Variants in CDH4 observed in about 807,000 individuals in gnomAD.
CDH4 encodes the protein cadherin-4.
Under a neutral mutation model 86.0 loss-of-function variants are expected in CDH4, and 33 were observed. That is an observed-to-expected ratio of 0.38 (90% confidence interval 0.29 to 0.51). The LOEUF is 0.51. CDH4 is among the 20% of genes least tolerant of loss of function. CDH4 has a pLI of 0.86. For synonymous variants in CDH4, 555 were observed against 549.4 expected, an observed-to-expected ratio of 1.01 and a Z score of -0.14; for missense variants, 1,114 against 1,307.4, an observed-to-expected ratio of 0.85 and a Z score of 2.28.
At chr20:61,660,395 T>C (rs1049659987) in intron 2 of CDH4, among the ~76,000 whole-genome samples, 8 of 152,176 alleles carry the variant, frequency 5.3e-5, no homozygotes, top group Non-Finnish European at 1.0e-4. Flanking sequence ...CAGAAGTCAG[T>C]GAATGTTAGC....
rs115868817 is a variant in CDH4 at position 61,647,960 on chromosome 20, T to A, written c.170-95603T>A. Among the ~76,000 whole-genome samples the A allele has an allele frequency of 6.3e-3, 946 of 151,252 alleles. 7 individuals are homozygous for A. Among genetic ancestry groups the A allele is most frequent in the African/African-American group, 0.022 (895 of 41,174 alleles). Reference sequence around the variant, plus strand: ...CAGGGGCTGCGGCCTGCCGAGTGAGTGGGGGATGGACACAGGTTGGCCGGC... The same window carrying A: ...CAGGGGCTGCGGCCTGCCGAGTGAGAGGGGGATGGACACAGGTTGGCCGGC... On this transcript the variant is annotated intron_variant, in intron 2 of 15. Transcript: ENST00000614565.
intron 2 of CDH4, among the ~76,000 whole-genome samples, chr20:61,455,199 A>G (rs1480198667): frequency 1.3e-5 from 2 of 152,200 alleles, no homozygotes; most frequent in Non-Finnish European, 2.9e-5. Flanking sequence ...TATCAAGTCC[A>G]ACTTTGAGAT....
intron 6 of CDH4, among the ~76,000 whole-genome samples, chr20:61,864,376 C>A (rs906222874): frequency 6.6e-6 from 1 of 152,236 alleles, no homozygotes. Flanking sequence ...TGGGGAACCC[C>A]CTGGTTTCGC....
At position 61,517,755 on chromosome 20, in the gene CDH4, T is replaced by G. The variant is rs2085832819; in HGVS notation, c.170-225808T>G. 1.3e-5 allele frequency among the ~76,000 whole-genome samples: 2 copies of G among 152,234 alleles called. No individual in the cohort carries two copies. Among genetic ancestry groups the G allele is most frequent in the Non-Finnish European group, 2.9e-5 (2 of 68,044 alleles). On this transcript the variant is annotated intron_variant, in intron 2 of 15. Transcript: ENST00000614565. This position sits in a 1 kb window ranked among gnomAD's most constrained non-coding sequence, Gnocchi z 6.6. Reference sequence around the variant, plus strand: ...AAGGTCACCATTCGTCTTATTCTTGTCAGCTATTATATGTCTGATTTTATG... The same window carrying G: ...AAGGTCACCATTCGTCTTATTCTTGGCAGCTATTATATGTCTGATTTTATG...
chr20:61,665,379 C>G lies in CDH4; in HGVS notation c.170-78184C>G, dbSNP rs183462105. Among the ~76,000 whole-genome samples the G allele has an allele frequency of 3.7e-3, 569 of 152,374 alleles. 3 individuals are homozygous for G. Among genetic ancestry groups the G allele is most frequent in the Middle Eastern group, 0.01 (3 of 294 alleles). On this transcript the variant is annotated intron_variant, in intron 2 of 15. Transcript: ENST00000614565. ...TGGCATACCCAACAATTTGACCTTT[C>G]ATCAGTTAAGCGATGCTAAAAACAA...
At chr20:61,660,523 C>T (rs1013534032) in intron 2 of CDH4, among the ~76,000 whole-genome samples, 7 of 152,276 alleles carry the variant, frequency 4.6e-5, no homozygotes, top group South Asian at 4.1e-4. Flanking sequence ...AAACATCAGC[C>T]GTGGCAAGTC....
intron 2 of CDH4, among the ~76,000 whole-genome samples, chr20:61,694,469 CAT>C (rs2087695391): frequency 6.6e-6 from 1 of 152,124 alleles, no homozygotes; most frequent in African/African-American, 2.4e-5. Flanking sequence ...AGGAGGTAAA[CAT>C]ATCTTTAAAT....
intron 7 of CDH4, among the ~76,000 whole-genome samples, chr20:61,875,416 C>T (rs997617956): frequency 2.0e-5 from 3 of 152,180 alleles, no homozygotes; most frequent in Admixed American, 2.0e-4. Context: ...AGGACTCAGA[C>T]CCGCACAGCA....
At chr20:61,420,594 T>G (rs753695719) in intron 2 of CDH4, among the ~76,000 whole-genome samples, 5 of 152,198 alleles carry the variant, frequency 3.3e-5, no homozygotes, top group Non-Finnish European at 7.3e-5. Context: ...ATCCAGCAAC[T>G]CTCTTCCTCA....
chr20:61,445,232 G>A (rs943639051), intron 2 of CDH4, among the ~76,000 whole-genome samples: 3 of 152,216 alleles, frequency 2.0e-5, no homozygotes, highest in East Asian at 3.9e-4. Flanking sequence ...GGAGCTGGGG[G>A]ACCCCAGCTG....
At chr20:61,626,967 G>T (rs1395671770) in intron 2 of CDH4, among the ~76,000 whole-genome samples, 2 of 152,138 alleles carry the variant, frequency 1.3e-5, no homozygotes, top group African/African-American at 4.8e-5. Flanking sequence ...CCTGTAGGAG[G>T]GCGGACCCTA....
intron 2 of CDH4, among the ~76,000 whole-genome samples, chr20:61,448,017 T>C (rs1042581565): frequency 6.6e-6 from 1 of 152,362 alleles, no homozygotes; most frequent in African/African-American, 2.4e-5. Flanking sequence ...ACCAGCATCC[T>C]GTTTGTCTTT....
intron 2 of CDH4, among the ~76,000 whole-genome samples, chr20:61,425,562 T>A (rs566917368): frequency 6.6e-6 from 1 of 152,342 alleles, no homozygotes; most frequent in Admixed American, 6.5e-5. Context: ...CTGCTGTGAT[T>A]ATCCGTGAGA....
chr20:61,371,504 C>T (rs1303445566), intron 2 of CDH4, among the ~76,000 whole-genome samples: 1 of 152,240 alleles, frequency 6.6e-6, no homozygotes, highest in Non-Finnish European at 1.5e-5. Context: ...AACCAGCCGT[C>T]GTATAGGTGG....
chr20:61,856,955 CCCTCCTTTCTCCTCCA>C lies in CDH4; in HGVS notation c.877+4058_877+4073del, dbSNP rs528230929. On this transcript the variant is annotated intron_variant, in intron 6 of 15. Coordinates refer to ENST00000614565, the MANE Select transcript of CDH4 (RefSeq NM_001794.5). ...TCTCCCCGGCCGGTTTTCAACCCCACCCTCCTTTCTCCTCCAAGAGATCCTCTCTGCTGCAGCCACC... is the reference window on the plus strand; with the variant it reads ...TCTCCCCGGCCGGTTTTCAACCCCACAGAGATCCTCTCTGCTGCAGCCACC... Among the ~76,000 whole-genome samples, 181 of 152,378 alleles carry C rather than the reference CCCTCCTTTCTCCTCCA, an allele frequency of 1.2e-3. 3 individuals are homozygous for C. The South Asian group carries it at 0.036, about 30-fold the overall frequency.
chr20:61,639,843 C>A (rs1398243138), intron 2 of CDH4, among the ~76,000 whole-genome samples: 1 of 152,058 alleles, frequency 6.6e-6, no homozygotes, highest in Admixed American at 6.6e-5. Flanking sequence ...AGTGAGAATA[C>A]CATTGTGAAC....
chr20:61,798,769 G>T (rs1310478658), intron 4 of CDH4, among the ~76,000 whole-genome samples: 4 of 152,368 alleles, frequency 2.6e-5, no homozygotes, highest in Admixed American at 6.5e-5. Context: ...CTCCGCAGCA[G>T]CCCCAGGTGC....
intron 2 of CDH4, among the ~76,000 whole-genome samples, chr20:61,481,669 G>GTT (rs1315369694): frequency 6.6e-6 from 1 of 152,202 alleles, no homozygotes; most frequent in Admixed American, 6.5e-5. Flanking sequence ...TAGAGCACAA[G>GTT]TTTGAGCTAA....
intron 2 of CDH4, among the ~76,000 whole-genome samples, chr20:61,433,853 A>T (rs916575814): frequency 6.6e-6 from 1 of 152,142 alleles, no homozygotes; most frequent in Admixed American, 6.5e-5. Flanking sequence ...ATGTGAAAAG[A>T]GTGTTTATTG....
Sources: allele counts gnomAD v4.1 joint callset (sites outside exome capture counted in the v4.1 genomes callset), GRCh38; gene constraint gnomAD v4.1.1; non-coding constraint Gnocchi (gnomAD v3.1); transcripts MANE v1.5; gene names NCBI Gene and HGNC (gene_info 2026-07-23, HGNC 2026-07-21).